FBXO27: variants seen among roughly 807,000 people sequenced by gnomAD.
The protein encoded by FBXO27 is F-box only protein 27.
FBXO27 carries 28 observed loss-of-function variants against 28.3 expected under a neutral mutation model. The observed-to-expected ratio is 0.99, with a 90% CI of 0.73 to 1.36. FBXO27 has a LOEUF of 1.36. FBXO27 is among the 40% of genes most tolerant of loss of function. FBXO27 has a pLI of 0.00. For missense variants in FBXO27, 388 were observed against 394.1 expected, an observed-to-expected ratio of 0.98 and a Z score of 0.13; for synonymous variants, 175 against 167.3, an observed-to-expected ratio of 1.05 and a Z score of -0.36.
Position 39,025,222 on chromosome 19 carries a change from T to TGGA in FBXO27, c.*186_*188dup. 1 of 715,928 alleles carries TGGA rather than the reference T, an allele frequency of 1.4e-6. No homozygotes were observed. The highest frequency in any genetic ancestry group is 2.2e-6 in the Non-Finnish European group (1 of 454,934). The allele number at this position is 715,928 out of a possible 1,614,324, so 44.3% of individuals were successfully genotyped here. A position where few individuals can be genotyped will look rare whatever the true frequency, so the allele number is the denominator to read the frequency against. ...CAGCAGCTGCAGTAGGTAGATAAGA[T>TGGA]GGAAGAAGCTTCTTCTGGTAGTTTC... is the stretch of plus-strand genomic sequence containing the variant. On this transcript the variant is annotated 3_prime_UTR_variant, in exon 6 of 6. Transcript: ENST00000292853.
intron 2 of FBXO27, among the ~76,000 whole-genome samples, chr19:39,012,208 C>CA (rs2072798787): frequency 8.0e-6 from 1 of 125,550 alleles, no homozygotes; most frequent in Non-Finnish European, 1.7e-5. Flanking sequence ...TTTTTTGAGA[C>CA]AGTTTCGCTC....
intron 5 of FBXO27, among the ~76,000 whole-genome samples, chr19:39,026,131 A>C (rs2072871891): frequency 6.6e-6 from 1 of 152,118 alleles, no homozygotes; most frequent in Non-Finnish European, 1.5e-5. Flanking sequence ...TGACTTTTTA[A>C]GGCTAGGTCA....
intron 4 of FBXO27, among the ~76,000 whole-genome samples, chr19:39,028,038 C>T (rs963393514): frequency 1.3e-5 from 2 of 151,450 alleles, no homozygotes; most frequent in African/African-American, 2.4e-5. Flanking sequence ...GTTAGGAGTT[C>T]GAGACCAGCC....
chr19:39,023,614 T>A (rs949069336), downstream of FBXO27, among the ~76,000 whole-genome samples: 9 of 39,716 alleles, frequency 2.3e-4, no homozygotes, highest in Middle Eastern at 0.021. Flanking sequence ...CCTATTGTCT[T>A]TTTTTTTTTT....
chr19:39,014,029 C>T (rs1253906392), intron 2 of FBXO27, among the ~76,000 whole-genome samples: 3 of 152,046 alleles, frequency 2.0e-5, no homozygotes, highest in Non-Finnish European at 4.4e-5. Context: ...CAAAAAGAAG[C>T]CCTTTCCTGT....
chr19:39,017,441 C>A lies in FBXO27; in HGVS notation c.92-2894G>T, dbSNP rs951611882. 2.0e-5 allele frequency among the ~76,000 whole-genome samples: 3 copies of A among 152,132 alleles called. No homozygotes were observed. In the South Asian group the frequency reaches 6.2e-4, roughly 32 times the overall value. ...AGGTGTAGTAGCTCACGCCTGTAAT[C>A]CCAGCACTTTGGGAGGCCGAGGAGG... is the stretch of plus-strand genomic sequence containing the variant. On this transcript the variant is annotated intron_variant, in intron 1 of 2. Coordinates refer to the FBXO27 transcript ENST00000598394.
intron 2 of FBXO27, among the ~76,000 whole-genome samples, chr19:39,007,074 A>AAAC (rs1555756534): frequency 2.7e-5 from 4 of 150,088 alleles, no homozygotes; most frequent in Non-Finnish European, 5.9e-5. Context: ...AAAAAAAAAA[A>AAAC]AAAATACAGA....
Position 39,027,094 on chromosome 19 carries a change from T to C in FBXO27, c.573-89A>G, listed in dbSNP as rs2072877113. On this transcript the variant is annotated intron_variant, in intron 4 of 5. Coordinates refer to ENST00000292853, the MANE Select transcript of FBXO27 (RefSeq NM_178820.5). ...CTTGTCCGAATGCCCTTCCCATGTG[T>C]GCAAATCCAGTTCCTCTAAAGAGAC... 3.9e-6 allele frequency: 6 copies of C among 1,530,426 alleles called. 1 individual carries two copies. The South Asian group carries it at 6.1e-5, about 16-fold the overall frequency. 94.8% of individuals were successfully genotyped at this position (1,530,426 alleles called of 1,614,324 possible). A position where few individuals can be genotyped will look rare whatever the true frequency, so the allele number is the denominator to read the frequency against.
intron 1 of FBXO27, among the ~76,000 whole-genome samples, chr19:39,018,810 T>C (rs982594422): frequency 1.3e-5 from 2 of 152,144 alleles, no homozygotes; most frequent in African/African-American, 4.8e-5. Context: ...GGCTCACGCC[T>C]GGAATCCCAG....
At position 39,031,137 on chromosome 19, in the gene FBXO27, G is replaced by C; in HGVS notation, c.477-13C>G. 1 of 1,613,852 alleles carries C rather than the reference G, an allele frequency of 6.2e-7. No individual in the cohort carries two copies. The highest frequency in any genetic ancestry group is 8.5e-7 in the Non-Finnish European group (1 of 1,179,778). On this transcript the variant is annotated splice_polypyrimidine_tract_variant and intron_variant, in intron 3 of 5. Transcript: ENST00000292853. ...CTTGCAACACCAGCTGGGAATGCAG[G>C]AGACAGGGTAATGAGAACAGGCAGG...
intron 1 of FBXO27, among the ~76,000 whole-genome samples, chr19:39,017,176 CA>C (rs1262574784): frequency 6.6e-6 from 1 of 152,114 alleles, no homozygotes. Context: ...TTCCTTTCTC[CA>C]AAGGCTCCAG....
intron 2 of FBXO27, among the ~76,000 whole-genome samples, chr19:39,006,302 A>G (rs8100503): frequency 0.51 from 77,736 of 151,970 alleles, 20,169 homozygotes; most frequent in Middle Eastern, 0.59. Flanking sequence ...CTACTCCTGT[A>G]ATCCCAGCAC....
At chr19:39,030,759 G>A (rs574648166) in intron 4 of FBXO27, 166 of 473,218 alleles carry the variant, frequency 3.5e-4, no homozygotes, top group African/African-American at 2.5e-3. Context: ...TGCACTACCA[G>A]GCCCGGCTAA....
chr19:39,013,068 C>A lies in FBXO27; in HGVS notation c.252+1319G>T, dbSNP rs560485010. Among the ~76,000 whole-genome samples, 19 of 152,326 alleles carry A rather than the reference C, an allele frequency of 1.2e-4. 1 individual carries two copies. Among genetic ancestry groups the A allele is most frequent in the South Asian group, 6.2e-4 (3 of 4,832 alleles). On this transcript the variant is annotated intron_variant, in intron 2 of 2. Transcript: ENST00000598394. ...CGATCATCATCCAATGAACTTCCTG[C>A]AAAAGCTCAATCCCTTTCTGGGGAC...
chr19:39,030,939 G>A (rs1234653180), intron 4 of FBXO27, 90 bp downstream of exon 4: 1 of 1,066,338 alleles, frequency 9.4e-7, no homozygotes, highest in Non-Finnish European at 1.5e-6. Context: ...GTAAGGAGGG[G>A]TTAGGAGGCC....
chr19:39,028,185 C>T (rs532544634), intron 4 of FBXO27, among the ~76,000 whole-genome samples: 8 of 151,842 alleles, frequency 5.3e-5, no homozygotes, highest in South Asian at 4.2e-4. Flanking sequence ...GAGCTGAGAT[C>T]GCACCATTGC....
At chr19:39,026,511 G>A (rs549480835) in intron 5 of FBXO27, among the ~76,000 whole-genome samples, 3 of 152,038 alleles carry the variant, frequency 2.0e-5, no homozygotes, top group East Asian at 3.9e-4. Context: ...GTCTCGCCCC[G>A]TCACCCAGGC....
At chr19:39,031,439 C>G (rs2072902891) in intron 2 of FBXO27, 119 bp from the exon 3 acceptor site, 1 of 838,970 alleles carries the variant, frequency 1.2e-6, no homozygotes, top group Admixed American at 2.4e-5. Flanking sequence ...CTGACCCTTC[C>G]CACCGAGGCC....
intron 4 of FBXO27, among the ~76,000 whole-genome samples, chr19:39,027,767 G>A (rs963523984): frequency 4.6e-5 from 7 of 151,890 alleles, no homozygotes; most frequent in South Asian, 2.1e-4. Flanking sequence ...TCCTGCCTCC[G>A]CCTCCCAAAG....
Sources: gnomAD v4.1 joint callset for allele counts (sites outside exome capture counted in the v4.1 genomes callset) on GRCh38, gnomAD v4.1.1 for gene constraint, MANE v1.5 for transcripts, NCBI Gene and HGNC (gene_info 2026-07-23, HGNC 2026-07-21) for gene names.